CLCN5: variants seen among roughly 807,000 people sequenced by gnomAD.
CLCN5 encodes Cl-/H+ antiporter 5, also known as H(+)/Cl(-) exchange transporter 5.
CLCN5 carries 17 observed loss-of-function variants against 54.0 expected under a neutral mutation model. That is an observed-to-expected ratio of 0.31 (90% CI 0.22 to 0.47). CLCN5 has a LOEUF of 0.47. Among genes scored for constraint, CLCN5 ranks in the 20% least tolerant of loss-of-function variants. CLCN5 has a pLI of 1.00. For missense variants in CLCN5, 448 were observed against 646.7 expected (o/e 0.69, Z 3.33); for synonymous variants, 222 against 233.0 (o/e 0.95, Z 0.43).
intron 4 of CLCN5, among the ~76,000 whole-genome samples, chrX:50,063,071 T>G (rs1289175533): frequency 8.3e-5 from 9 of 108,568 alleles, no homozygotes; most frequent in African/African-American, 2.7e-4. Flanking sequence ...GATCTAAAAT[T>G]GACACCCTAA....
intron 3 of CLCN5, among the ~76,000 whole-genome samples, chrX:49,998,389 C>T (rs1758196467): frequency 8.9e-6 from 1 of 111,737 alleles, no homozygotes; most frequent in Non-Finnish European, 1.9e-5. Flanking sequence ...TTCTCACTTA[C>T]TCTCTCACCA....
At chrX:49,946,932 G>A (rs939427734) in intron 3 of CLCN5, among the ~76,000 whole-genome samples, 3 of 110,364 alleles carry the variant, frequency 2.7e-5, no homozygotes, top group African/African-American at 9.9e-5. Context: ...GGATTCAAGC[G>A]ATTCTCCTGC....
chrX:50,063,794 CA>C (rs1932907914), intron 4 of CLCN5, among the ~76,000 whole-genome samples: 1 of 111,011 alleles, frequency 9.0e-6, no homozygotes, highest in Admixed American at 9.5e-5. Flanking sequence ...AGCAGCACAT[CA>C]AAAAGCTTAT....
intron 3 of CLCN5, among the ~76,000 whole-genome samples, chrX:49,946,548 C>G (rs886648667): frequency 9.0e-6 from 1 of 111,618 alleles, no homozygotes; most frequent in African/African-American, 3.3e-5. Flanking sequence ...TCAAGGCCAG[C>G]GAGGGATAAA....
intron 3 of CLCN5, among the ~76,000 whole-genome samples, chrX:49,945,100 T>C (rs1445866636): frequency 8.9e-6 from 1 of 112,085 alleles, no homozygotes; most frequent in Admixed American, 9.5e-5. Context: ...ACTTTAGAGA[T>C]AGGAACATAG....
At chrX:49,942,387 T>G (rs1557171132) in intron 3 of CLCN5, among the ~76,000 whole-genome samples, 1 of 106,838 alleles carries the variant, frequency 9.4e-6, no homozygotes, top group Non-Finnish European at 1.9e-5. Flanking sequence ...CCTTTGATGG[T>G]CTTATCTAGG....
intron 2 of CLCN5, among the ~76,000 whole-genome samples, chrX:49,924,390 A>C (rs1925232356): frequency 8.9e-6 from 1 of 111,748 alleles, no homozygotes; most frequent in Non-Finnish European, 1.9e-5. Context: ...GCTGGTCTCG[A>C]ACTGACCTCA....
chrX:50,031,784 A>G (rs996191826), intron 3 of CLCN5, among the ~76,000 whole-genome samples: 1 of 108,155 alleles, frequency 9.2e-6, no homozygotes, highest in African/African-American at 3.4e-5. Context: ...TTAGTTACAT[A>G]TGTATACATG....
chrX:50,069,081 A>G (rs1933137814), intron 4 of CLCN5, among the ~76,000 whole-genome samples: 1 of 112,106 alleles, frequency 8.9e-6, no homozygotes, highest in South Asian at 3.7e-4. Context: ...ACTGTAGAGA[A>G]GGGAACGATG....
intron 3 of CLCN5, among the ~76,000 whole-genome samples, chrX:50,002,346 T>A (rs1414101510): frequency 6.3e-5 from 7 of 111,008 alleles, no homozygotes; most frequent in Non-Finnish European, 1.3e-4. Context: ...AAAGCCCTAC[T>A]CCTCCCTCTG....
chrX:50,088,211 C>T (rs1557194274), intron 11 of CLCN5, among the ~76,000 whole-genome samples: 1 of 111,773 alleles, frequency 8.9e-6, no homozygotes, highest in African/African-American at 3.3e-5. Context: ...CCTCTCTGAA[C>T]CTTAGGTTCT....
intron 3 of CLCN5, among the ~76,000 whole-genome samples, chrX:50,012,627 TAG>T (rs1930567384): frequency 8.9e-6 from 1 of 112,180 alleles, no homozygotes; most frequent in Non-Finnish European, 1.9e-5. Context: ...TTTAAAAGTG[TAG>T]AGTCTTTGCA....
chrX:50,067,289 C>G (rs1170984119), intron 4 of CLCN5, among the ~76,000 whole-genome samples: 2 of 111,074 alleles, frequency 1.8e-5, no homozygotes, highest in African/African-American at 6.6e-5. Flanking sequence ...TTTAAAAAAC[C>G]TTTTTTATAT....
chrX:50,007,473 C>CACAG (rs1454823373), intron 3 of CLCN5, among the ~76,000 whole-genome samples: 38 of 95,150 alleles, frequency 4.0e-4, no homozygotes, highest in African/African-American at 2.0e-3. Flanking sequence ...CACACACACA[C>CACAG]AGAGAGAGTG....
chrX:49,942,297 C>T (rs914775416), intron 3 of CLCN5, among the ~76,000 whole-genome samples: 12 of 106,206 alleles, frequency 1.1e-4, no homozygotes, highest in Admixed American at 4.2e-4. Flanking sequence ...TAGAATCTTC[C>T]CCACATCAAT....
At chrX:50,074,723 G>A (rs1274461635) in intron 6 of CLCN5, among the ~76,000 whole-genome samples, 1 of 112,008 alleles carries the variant, frequency 8.9e-6, no homozygotes, top group Non-Finnish European at 1.9e-5. Context: ...GTCACTAGGT[G>A]GTCAGTGAAT....
intron 3 of CLCN5, among the ~76,000 whole-genome samples, chrX:50,035,620 G>T (rs1931957607): frequency 9.0e-6 from 1 of 111,468 alleles, no homozygotes; most frequent in Non-Finnish European, 1.9e-5. Context: ...AGGTGGGGGT[G>T]GGTGGGATTC....
At chrX:49,944,540 T>A (rs1926577742) in intron 3 of CLCN5, among the ~76,000 whole-genome samples, 1 of 111,846 alleles carries the variant, frequency 8.9e-6, no homozygotes, top group Non-Finnish European at 1.9e-5. Flanking sequence ...TGGCTGTGGG[T>A]TTCTCATAAA....
At chrX:50,016,553 C>A (rs1745687722) in intron 3 of CLCN5, among the ~76,000 whole-genome samples, 3 of 108,860 alleles carry the variant, frequency 2.8e-5, no homozygotes, top group Non-Finnish European at 5.7e-5. Context: ...TGTATTATAA[C>A]TATTATTAAA....
Sources: gnomAD v4.1 joint callset for allele counts (sites outside exome capture counted in the v4.1 genomes callset) on GRCh38, gnomAD v4.1.1 for gene constraint, MANE v1.5 for transcripts, NCBI Gene and HGNC (gene_info 2026-07-23, HGNC 2026-07-21) for gene names.